GOLGB1: variants seen among roughly 807,000 people sequenced by gnomAD.
GOLGB1 encodes the protein golgin B1, also known as golgin subfamily B member 1.
GOLGB1 carries 174 observed loss-of-function variants against 336.9 expected under a neutral mutation model. The observed-to-expected ratio is 0.52, with a 90% CI of 0.46 to 0.59. The LOEUF is 0.59. Among genes scored for constraint, GOLGB1 ranks in the 20% least tolerant of loss-of-function variants. GOLGB1 has a pLI of 0.00. For missense variants in GOLGB1, 3,331 were observed against 3,645.3 expected (o/e 0.91, Z 2.22); for synonymous variants, 1,208 against 1,289.2 (o/e 0.94, Z 1.35).
At chr3:121,706,595 G>A (rs1005510741) in intron 10 of GOLGB1, among the ~76,000 whole-genome samples, 2 of 151,666 alleles carry the variant, frequency 1.3e-5, no homozygotes, top group Admixed American at 6.6e-5. Flanking sequence ...TTAGCCAGGC[G>A]TGGTGGCGGT....
At chr3:121,731,368 CT>C (rs774044046) in intron 1 of GOLGB1, among the ~76,000 whole-genome samples, 313 of 143,356 alleles carry the variant, frequency 2.2e-3, no homozygotes, top group Middle Eastern at 3.7e-3. Context: ...TTTTCTTTTT[CT>C]TTTTTTTTTT....
Position 121,696,625 on chromosome 3 carries a change from C to T in GOLGB1, c.3898G>A (p.Ala1300Thr). Residue 1300 changes from alanine to threonine, a missense_variant, in exon 13 of 22, where the codon GCG becomes ACG. Transcript: ENST00000614479. Reference protein sequence around the residue: ...CPDWPSHSEDASALQGGTSVA... With the variant: ...CPDWPSHSEDTSALQGGTSVA... The stretch of plus-strand genomic sequence containing the variant: ...GAAGTTCCGCCCTGCAGAGCACTCG[C>T]ATCTTCAGAATGAGAAGGCCAGTCT... The T allele has an allele frequency of 6.2e-7, 1 of 1,614,158 alleles. No homozygotes were observed. The highest frequency in any genetic ancestry group is 8.5e-7 in the Non-Finnish European group (1 of 1,180,016).
chr3:121,732,274 A>G (rs1946173815), intron 1 of GOLGB1, among the ~76,000 whole-genome samples: 1 of 152,216 alleles, frequency 6.6e-6, no homozygotes, highest in African/African-American at 2.4e-5. Flanking sequence ...AGGTGGCTTC[A>G]TTAGTAGGTA....
At position 121,697,278 on chromosome 3, in the gene GOLGB1, C is replaced by T. The variant is rs1328155422; in HGVS notation, c.3245G>A (p.Arg1082Lys). ...SEKEVELQHI[R>K]KDLEEKLAAE... The stretch of plus-strand genomic sequence containing the variant: ...TGCCAGCTTTTCTTCCAAATCCTTC[C>T]TTATATGCTGTAGTTCCACTTCTTT... The change falls in exon 13 of 22, where the codon AGG becomes AAG. Residue 1082 changes from arginine (R) to lysine (K), a missense_variant. Transcript: ENST00000614479. The T allele has an allele frequency of 1.9e-6, 3 of 1,614,030 alleles. No individual in the cohort carries two copies. The highest frequency in any genetic ancestry group is 2.5e-6 in the Non-Finnish European group (3 of 1,179,936).
chr3:121,694,570 T>C lies in GOLGB1; in HGVS notation c.5953A>G (p.Thr1985Ala), dbSNP rs1188413763. ...EEKQQLVKEKTKVESEIRKEY... is the reference protein window; with the variant it reads ...EEKQQLVKEKAKVESEIRKEY... ...TTTCGTATTTCTGATTCCACCTTAGTTTTTTCCTTGACTAACTGCTGCTTT... is the reference window on the plus strand; with the variant it reads ...TTTCGTATTTCTGATTCCACCTTAGCTTTTTCCTTGACTAACTGCTGCTTT... The change falls in exon 13 of 22, where the codon ACT becomes GCT. Residue 1985 changes from threonine (T) to alanine (A), a missense_variant. Thr to Ala is a moderately conservative substitution (Grantham distance 58). Transcript: ENST00000614479. The C allele has an allele frequency of 1.2e-6, 2 of 1,612,524 alleles. No individual in the cohort carries two copies. Among genetic ancestry groups the C allele is most frequent in the Non-Finnish European group, 1.7e-6 (2 of 1,179,996 alleles).
chr3:121,675,947 T>C (rs1940317625), intron 17 of GOLGB1, among the ~76,000 whole-genome samples: 1 of 152,132 alleles, frequency 6.6e-6, no homozygotes, highest in African/African-American at 2.4e-5. Context: ...AGGCTAGAGC[T>C]GTAAAGGGTG....
chr3:121,741,866 G>C (rs1267279282), intron 1 of GOLGB1, among the ~76,000 whole-genome samples: 1 of 152,142 alleles, frequency 6.6e-6, no homozygotes, highest in Non-Finnish European at 1.5e-5. Context: ...GTTTTTAAAA[G>C]AAGGTTTTCT....
chr3:121,704,614 C>T (rs1044124193), intron 10 of GOLGB1, among the ~76,000 whole-genome samples: 3 of 151,794 alleles, frequency 2.0e-5, no homozygotes, highest in African/African-American at 7.3e-5. Context: ...TCCGTCTCTA[C>T]TAAAATACAA....
chr3:121,716,616 T>TCAGTC, intron 9 of GOLGB1, 121 bp downstream of exon 9: 1 of 768,928 alleles, frequency 1.3e-6, no homozygotes, highest in Non-Finnish European at 2.1e-6. Flanking sequence ...GCTGTTTTTC[T>TCAGTC]CAGTCCTTCT....
At position 121,694,081 on chromosome 3, in the gene GOLGB1, C is replaced by T. The variant is rs762864043; in HGVS notation, c.6442G>A (p.Glu2148Lys). The T allele has an allele frequency of 6.2e-7, 1 of 1,614,066 alleles. No individual in the cohort carries two copies. The change falls in exon 13 of 22, where the codon GAG becomes AAG. Residue 2148 changes from glutamate (E) to lysine (K), a missense_variant. Coordinates refer to ENST00000614479, the MANE Select transcript of GOLGB1 (RefSeq NM_001366282.2). Reference sequence around the variant, plus strand: ...TCTCTGCGCAAAGCATCCAGTTTCTCTTGCATATTCTTCTTCTCTTTCAGG... The same window carrying T: ...TCTCTGCGCAAAGCATCCAGTTTCTTTTGCATATTCTTCTTCTCTTTCAGG... Reference protein sequence around the residue: ...KHLKEKKNMQEKLDALRREKV... With the variant: ...KHLKEKKNMQKKLDALRREKV...
At chr3:121,685,533 CTAAATAAATAAATAAATAAA>C (rs113841968) in intron 14 of GOLGB1, among the ~76,000 whole-genome samples, 27 of 145,658 alleles carry the variant, frequency 1.9e-4, no homozygotes, top group African/African-American at 6.4e-4. Flanking sequence ...GACTCTGTTT[CTAAATAAATAAATAAATAAA>C]TAAATAAATA....
chr3:121,692,082 C>T lies in GOLGB1; in HGVS notation c.7282G>A (p.Glu2428Lys). The change falls in exon 14 of 22, where the codon GAG becomes AAG. Residue 2428 changes from glutamate (E) to lysine (K), a missense_variant. Transcript: ENST00000614479. ...LENLLSQEEE[E>K]NIVLEEENKK... ...TTCTCCTCTTCTAAAACAATATTCTCCTCTTCCTCCTGGGACAGCAGGTTT... is the reference window on the plus strand; with the variant it reads ...TTCTCCTCTTCTAAAACAATATTCTTCTCTTCCTCCTGGGACAGCAGGTTT... 1 of 1,613,652 alleles carries T rather than the reference C, an allele frequency of 6.2e-7. No homozygotes were observed. The highest frequency in any genetic ancestry group is 8.5e-7 in the Non-Finnish European group (1 of 1,179,806).
Position 121,667,605 on chromosome 3 carries a change from GA to G in GOLGB1, c.9424del (p.Ser3142LeufsTer14). On this transcript the variant is annotated frameshift_variant, in exon 20 of 22. Coordinates refer to ENST00000614479, the MANE Select transcript of GOLGB1 (RefSeq NM_001366282.2). LOFTEE classifies it high-confidence loss of function. ...EELREPQQSF[S>X]EAQQQLCNTR... ...GTTGCATAGCTGCTGCTGAGCTTCA[GA>G]AAAGCTTTAGGATGAGAGGAAAACA... 1 of 1,613,554 alleles carries G rather than the reference GA, an allele frequency of 6.2e-7. No individual in the cohort carries two copies.
intron 1 of GOLGB1, chr3:121,749,300 G>C (rs1166719060): frequency 2.0e-5 from 3 of 152,440 alleles, no homozygotes; most frequent in African/African-American, 7.2e-5. Flanking sequence ...CCAGGAACAA[G>C]GCCGTGCGGA....
chr3:121,707,241 A>AC (rs1481991902), intron 10 of GOLGB1, among the ~76,000 whole-genome samples: 2 of 150,694 alleles, frequency 1.3e-5, no homozygotes, highest in East Asian at 1.9e-4. Flanking sequence ...AAAAAAAAAA[A>AC]ACAAAAATAA....
At position 121,697,099 on chromosome 3, in the gene GOLGB1, A is replaced by G. The variant is rs764526502; in HGVS notation, c.3424T>C (p.Ser1142Pro). Residue 1142 changes from serine to proline, a missense_variant, in exon 13 of 22, where the codon TCC becomes CCC. Ser to Pro is a moderately conservative substitution (Grantham distance 74, BLOSUM62 -1). Coordinates refer to ENST00000614479, the MANE Select transcript of GOLGB1 (RefSeq NM_001366282.2). ...TSNTDASDGDSVALVKETVVI... is the reference protein window; with the variant it reads ...TSNTDASDGDPVALVKETVVI... Reference sequence around the variant, plus strand: ...ACTGTTTCCTTTACAAGTGCTACGGAGTCCCCATCACTTGCATCCGTGTTA... The same window carrying G: ...ACTGTTTCCTTTACAAGTGCTACGGGGTCCCCATCACTTGCATCCGTGTTA... The G allele has an allele frequency of 6.2e-7, 1 of 1,614,096 alleles. No individual in the cohort carries two copies. Among genetic ancestry groups the G allele is most frequent in the Non-Finnish European group, 8.5e-7 (1 of 1,179,972 alleles).
At chr3:121,727,318 ATATTT>A (rs1196751757) in intron 4 of GOLGB1, among the ~76,000 whole-genome samples, 89 of 33,388 alleles carry the variant, frequency 2.7e-3, no homozygotes, top group South Asian at 1.0e-2. Flanking sequence ...ATATATATAT[ATATTT>A]TTTTTTTTTT....
intron 10 of GOLGB1, among the ~76,000 whole-genome samples, chr3:121,705,659 G>A (rs1576377063): frequency 6.6e-6 from 1 of 152,150 alleles, no homozygotes; most frequent in Admixed American, 6.6e-5. Context: ...AAAAAGTCAC[G>A]TAAAGAGAAA....
rs752757881 is a variant in GOLGB1, at chr3:121,694,196, T to C, written c.6327A>G (p.Glu2109=). Residue 2109 remains glutamate, a synonymous_variant, in exon 13 of 22, where the codon GAA becomes GAG. Transcript: ENST00000614479. ...TAACTGATTCTTTATTTGACTGAAGTTCCTTTTTCAACTTGAGATTGTCTG... is the reference window on the plus strand; with the variant it reads ...TAACTGATTCTTTATTTGACTGAAGCTCCTTTTTCAACTTGAGATTGTCTG... The part of the protein sequence containing the change: ...VLADNLKLKK[E]LQSNKESVKS... The C allele has an allele frequency of 2.5e-6, 4 of 1,612,906 alleles. No homozygotes were observed. Among genetic ancestry groups the C allele is most frequent in the South Asian group, 1.1e-5 (1 of 91,070 alleles).
Sources: gnomAD v4.1 joint callset for allele counts (sites outside exome capture counted in the v4.1 genomes callset) on GRCh38, gnomAD v4.1.1 for gene constraint, MANE v1.5 for transcripts, NCBI Gene and HGNC (gene_info 2026-07-23, HGNC 2026-07-21) for gene names.